The following SGCZ variants were observed in gnomAD, a reference collection of about 807,000 sequenced individuals.
SGCZ encodes sarcoglycan zeta.
Under a neutral mutation model 41.3 loss-of-function variants are expected in SGCZ, and 40 were observed. The ratio of observed to expected loss-of-function variants is 0.97; its 90% CI spans 0.75 to 1.26. The LOEUF (loss-of-function observed/expected upper bound fraction) is 1.26, where lower values mean the gene tolerates loss of function less well. Among genes scored for constraint, SGCZ ranks in the 50% most tolerant of loss-of-function variants. The pLI is 0.00. For synonymous variants in SGCZ, 206 were observed against 137.5 expected (o/e 1.50, Z -3.49); for missense variants, 552 against 369.8 (o/e 1.49, Z -4.04).
At chr8:15,022,227 A>T (rs1040772553) in intron 1 of SGCZ, among the ~76,000 whole-genome samples, 1 of 152,226 alleles carries the variant, frequency 6.6e-6, no homozygotes, top group Non-Finnish European at 1.5e-5. Flanking sequence ...ATGTAATAAA[A>T]AATTCAGTGA....
At chr8:14,435,816 G>A (rs572374106) in intron 2 of SGCZ, among the ~76,000 whole-genome samples, 3 of 152,104 alleles carry the variant, frequency 2.0e-5, no homozygotes, top group Non-Finnish European at 2.9e-5. Context: ...CTCAATCATC[G>A]TATTTATTTA....
intron 1 of SGCZ, among the ~76,000 whole-genome samples, chr8:15,193,999 G>T (rs956642968): frequency 6.6e-6 from 1 of 152,060 alleles, no homozygotes; most frequent in Admixed American, 6.6e-5. Flanking sequence ...TCTATAACTA[G>T]CCAGTGTAAC....
chr8:14,933,422 T>C (rs898461654), intron 1 of SGCZ, among the ~76,000 whole-genome samples: 11 of 95,402 alleles, frequency 1.2e-4, no homozygotes, highest in African/African-American at 3.9e-4. Flanking sequence ...TTCCATATAC[T>C]TTTTTTTTCT....
chr8:14,146,965 A>C (rs80323480), intron 5 of SGCZ, among the ~76,000 whole-genome samples: 49,205 of 150,562 alleles, frequency 0.33, 10,358 homozygotes, highest in Non-Finnish European at 0.47. Flanking sequence ...GAAAAAAAAA[A>C]CCCAAAAATT....
intron 1 of SGCZ, among the ~76,000 whole-genome samples, chr8:15,163,443 T>G (rs941470733): frequency 6.6e-6 from 1 of 152,232 alleles, no homozygotes; most frequent in Non-Finnish European, 1.5e-5. Flanking sequence ...GGCCAGAAGA[T>G]ATGAATACTG....
At chr8:14,493,359 CTTTTTTTTTTTTTTTTT>C (rs57898016) in intron 2 of SGCZ, among the ~76,000 whole-genome samples, 3 of 44,278 alleles carry the variant, frequency 6.8e-5, no homozygotes, top group South Asian at 1.3e-3. Flanking sequence ...ATCATCCTTT[CTTTTTTTTTTTTTTTTT>C]TTTTTTTTTT....
At chr8:14,124,955 C>G (rs1802806436) in intron 5 of SGCZ, among the ~76,000 whole-genome samples, 1 of 152,032 alleles carries the variant, frequency 6.6e-6, no homozygotes, top group African/African-American at 2.4e-5. Flanking sequence ...TCTCAGGATA[C>G]AAAATCTATG....
At chr8:15,086,697 A>C (rs1805961883) in intron 1 of SGCZ, among the ~76,000 whole-genome samples, 1 of 152,132 alleles carries the variant, frequency 6.6e-6, no homozygotes, top group Non-Finnish European at 1.5e-5. Context: ...TAAAAATTAC[A>C]TCCTCCCAAA....
rs1800693614 is a variant in SGCZ, at chr8:14,287,847, T to C, written c.336+36256A>G. ...TTCCCAAGTAGCCCGGCAGCTTTAT[T>C]TTTGCTGAGTCTTCATTTGCAGTAA... On this transcript the variant is annotated intron_variant, in intron 3 of 7. Transcript: ENST00000382080. Among the ~76,000 whole-genome samples, 4 of 152,078 alleles carry C rather than the reference T, an allele frequency of 2.6e-5. No individual in the cohort carries two copies. In the South Asian group the frequency reaches 8.3e-4, roughly 31 times the overall value.
At chr8:14,876,318 G>A (rs1210013318) in intron 1 of SGCZ, among the ~76,000 whole-genome samples, 2 of 152,136 alleles carry the variant, frequency 1.3e-5, no homozygotes, top group Admixed American at 6.6e-5. Flanking sequence ...AAACAACATA[G>A]CATTACAAAA....
chr8:15,208,910 G>T (rs1019079399), intron 1 of SGCZ, among the ~76,000 whole-genome samples: 245 of 146,896 alleles, frequency 1.7e-3, no homozygotes, highest in Middle Eastern at 3.5e-3. Context: ...TATAGAGAGA[G>T]AGAGAGAGAG....
chr8:14,119,018 T>C (rs1451187149), intron 5 of SGCZ, among the ~76,000 whole-genome samples: 2 of 152,224 alleles, frequency 1.3e-5, no homozygotes, highest in African/African-American at 4.8e-5. Flanking sequence ...TTTGTTCTTT[T>C]TACTTAGGAT....
chr8:14,331,210 T>G (rs1354189845), intron 2 of SGCZ, among the ~76,000 whole-genome samples: 3 of 152,000 alleles, frequency 2.0e-5, no homozygotes, highest in Non-Finnish European at 4.4e-5. Flanking sequence ...ACATAAAGAA[T>G]GGAAATATTA....
chr8:14,493,122 G>T (rs138682922), intron 2 of SGCZ, among the ~76,000 whole-genome samples: 1 of 151,812 alleles, frequency 6.6e-6, no homozygotes, highest in South Asian at 2.1e-4. Context: ...ATTGTAAATT[G>T]CTCTGTTTAA....
intron 3 of SGCZ, among the ~76,000 whole-genome samples, chr8:14,308,001 G>T (rs1382154419): frequency 6.6e-6 from 1 of 152,056 alleles, no homozygotes; most frequent in Non-Finnish European, 1.5e-5. Flanking sequence ...CTGTATTTGG[G>T]TGGATGCCAT....
In SGCZ at chr8:15,188,311, C is replaced by T. The variant is rs186316545; in HGVS notation, c.39+49274G>A. ...TATGAGTTTATAAACTGAATTAGCT[C>T]CTAGAACATCTGTTACTTGAGGAAT... On this transcript the variant is annotated intron_variant, in intron 1 of 7. Transcript: ENST00000382080. Among the ~76,000 whole-genome samples the T allele has an allele frequency of 9.9e-3, 1,499 of 152,138 alleles. 6 individuals are homozygous for T. The highest frequency in any genetic ancestry group is 0.015 in the Non-Finnish European group (1,016 of 67,908).
At chr8:14,469,171 G>A (rs1194007214) in intron 2 of SGCZ, among the ~76,000 whole-genome samples, 1 of 152,008 alleles carries the variant, frequency 6.6e-6, no homozygotes, top group Non-Finnish European at 1.5e-5. Context: ...GAAAAACATG[G>A]CTTTTAAACA....
intron 1 of SGCZ, among the ~76,000 whole-genome samples, chr8:15,114,527 C>T (rs1483614477): frequency 6.6e-6 from 1 of 152,166 alleles, no homozygotes; most frequent in Non-Finnish European, 1.5e-5. Context: ...AGCCTTGAAT[C>T]ACTATTTGAT....
chr8:15,225,348 A>G (rs1801733615), intron 1 of SGCZ, among the ~76,000 whole-genome samples: 2 of 152,310 alleles, frequency 1.3e-5, no homozygotes, highest in African/African-American at 4.8e-5. Context: ...GGACTAGTTT[A>G]CTGGTCAATA....
Sources: allele counts gnomAD v4.1 joint callset (sites outside exome capture counted in the v4.1 genomes callset), GRCh38; gene constraint gnomAD v4.1.1; transcripts MANE v1.5; gene names NCBI Gene and HGNC (gene_info 2026-07-23, HGNC 2026-07-21).